AKAP6: variants seen among roughly 807,000 people sequenced by gnomAD.
AKAP6 encodes A-kinase anchor protein 6.
In AKAP6, 58 loss-of-function variants were observed where a neutral mutation model predicts 188.5. The ratio of observed to expected loss-of-function variants is 0.31; its 90% confidence interval spans 0.25 to 0.38. The LOEUF is 0.38. Among genes scored for constraint, AKAP6 ranks in the 10% least tolerant of loss-of-function variants. The probability of loss-of-function intolerance (pLI) is 1.00; values close to 1 mark genes in which losing one functional copy is unlikely to be tolerated. For missense variants in AKAP6, 2,710 were observed against 2,740.0 expected, an observed-to-expected ratio of 0.99 and a Z score of 0.24; for synonymous variants, 989 against 998.6, an observed-to-expected ratio of 0.99 and a Z score of 0.18.
At chr14:32,399,378 G>A (rs1024980213) in intron 1 of AKAP6, among the ~76,000 whole-genome samples, 4 of 152,158 alleles carry the variant, frequency 2.6e-5, no homozygotes, top group African/African-American at 9.7e-5. Flanking sequence ...AGGTTCTGCA[G>A]ATCAAGAGGT....
At chr14:32,343,854 T>C (rs1028187953) in intron 1 of AKAP6, among the ~76,000 whole-genome samples, 3 of 150,882 alleles carry the variant, frequency 2.0e-5, no homozygotes, top group African/African-American at 7.3e-5. Flanking sequence ...CACACCCCAT[T>C]AAAACCCCAG....
intron 4 of AKAP6, among the ~76,000 whole-genome samples, chr14:32,558,734 G>A (rs1883800261): frequency 6.6e-6 from 1 of 152,126 alleles, no homozygotes; most frequent in Admixed American, 6.6e-5. Flanking sequence ...TCGTCCTGAG[G>A]TCCAGGTTGC....
chr14:32,761,525 G>A (rs1302453738), intron 11 of AKAP6, among the ~76,000 whole-genome samples: 1 of 152,112 alleles, frequency 6.6e-6, no homozygotes, highest in Non-Finnish European at 1.5e-5. Context: ...ATGGATGAGA[G>A]AGCAAGAAAA....
chr14:32,358,517 G>T (rs1887554201), intron 1 of AKAP6, among the ~76,000 whole-genome samples: 1 of 151,878 alleles, frequency 6.6e-6, no homozygotes, highest in Admixed American at 6.5e-5. Context: ...TTTCTGACCT[G>T]TGTTGGGTGG....
chr14:32,835,997 G>GT lies in AKAP6; in HGVS notation c.*6193dup, dbSNP rs1214197615. On this transcript the variant is annotated 3_prime_UTR_variant, in exon 14 of 14. Transcript: ENST00000280979. The stretch of plus-strand genomic sequence containing the variant: ...TGGCAAAGGCATTTTGGCCAATGCC[G>GT]TAAGACCATTCTGGCCCTTGATTAA... 6.6e-6 allele frequency: 1 copy of GT among 152,220 alleles called. No homozygotes were observed. Among genetic ancestry groups the GT allele is most frequent in the Non-Finnish European group, 1.5e-5 (1 of 68,038 alleles). 9.4% of individuals were successfully genotyped at this position (152,220 alleles called of 1,614,324 possible). A position where few individuals can be genotyped will look rare whatever the true frequency, so the allele number is the denominator to read the frequency against.
intron 1 of AKAP6, among the ~76,000 whole-genome samples, chr14:32,354,287 C>A (rs1220582977): frequency 6.6e-6 from 1 of 150,792 alleles, no homozygotes; most frequent in African/African-American, 2.5e-5. Context: ...CAGAACAGAG[C>A]CCTGTCTCAA....
intron 7 of AKAP6, among the ~76,000 whole-genome samples, chr14:32,614,866 C>A (rs1221420127): frequency 1.3e-5 from 2 of 151,872 alleles, no homozygotes; most frequent in African/African-American, 2.4e-5. Flanking sequence ...GAAAGGTTTT[C>A]TTTCTCAAAA....
chr14:32,768,602 T>C (rs1566698020), intron 11 of AKAP6, among the ~76,000 whole-genome samples: 1 of 152,184 alleles, frequency 6.6e-6, no homozygotes. Flanking sequence ...TCATCAACAA[T>C]TGTGGTCCCT....
At chr14:32,762,188 A>G (rs1278799200) in intron 11 of AKAP6, among the ~76,000 whole-genome samples, 1 of 152,088 alleles carries the variant, frequency 6.6e-6, no homozygotes, top group Admixed American at 6.5e-5. Context: ...CATTTTAACA[A>G]TAATGGACAT....
At chr14:32,570,203 T>C (rs1884415255) in intron 4 of AKAP6, among the ~76,000 whole-genome samples, 1 of 140,882 alleles carries the variant, frequency 7.1e-6, no homozygotes, top group Non-Finnish European at 1.5e-5. Flanking sequence ...CAATCTCGGC[T>C]CACTGCAACC....
At chr14:32,368,543 G>A (rs1379084439) in intron 1 of AKAP6, among the ~76,000 whole-genome samples, 3 of 152,068 alleles carry the variant, frequency 2.0e-5, no homozygotes, top group Admixed American at 6.6e-5. Context: ...AAAGGAATTA[G>A]GCAGGAGATT....
At chr14:32,631,889 TATA>T (rs1202365649) in intron 7 of AKAP6, among the ~76,000 whole-genome samples, 1 of 152,094 alleles carries the variant, frequency 6.6e-6, no homozygotes, top group Non-Finnish European at 1.5e-5. Flanking sequence ...AGTAGATCAT[TATA>T]ATACCAAAGA....
At chr14:32,780,796 A>G (rs1428442951) in intron 12 of AKAP6, among the ~76,000 whole-genome samples, 3 of 152,180 alleles carry the variant, frequency 2.0e-5, no homozygotes, top group Non-Finnish European at 4.4e-5. Context: ...CATGTCATAC[A>G]AAGTATGTTA....
chr14:32,487,853 G>A (rs925922291), intron 2 of AKAP6, among the ~76,000 whole-genome samples: 1 of 152,194 alleles, frequency 6.6e-6, no homozygotes, highest in Admixed American at 6.5e-5. Flanking sequence ...GACCCTGTTT[G>A]CCTATCACCA....
intron 7 of AKAP6, among the ~76,000 whole-genome samples, chr14:32,618,900 A>G (rs192683403): frequency 2.0e-3 from 307 of 152,184 alleles, no homozygotes; most frequent in Non-Finnish European, 1.7e-3. Context: ...TGGCTGGGGT[A>G]AGGTGATTTT....
At position 32,735,669 on chromosome 14, in the gene AKAP6, A is replaced by G. The variant is rs1296726449; in HGVS notation, c.3159A>G (p.Gly1053=). ...ATCTGATGCATTAGAAAACCCTAGG[A>G]GAGAAGATCCAGGACACAATGGCAG... ...EKWELLGKTL[G]EKIQDTMAGH... is the part of the protein sequence containing the mutation. Residue 1053 remains glycine (G), a synonymous_variant, in exon 11 of 14, where the codon GGA becomes GGG. Coordinates refer to ENST00000280979, the MANE Select transcript of AKAP6 (RefSeq NM_004274.5). The G allele has an allele frequency of 1.3e-6, 2 of 1,589,620 alleles. No homozygotes were observed. The highest frequency in any genetic ancestry group is 1.7e-6 in the Non-Finnish European group (2 of 1,171,208).
At position 32,833,230 on chromosome 14, in the gene AKAP6, T is replaced by C. The variant is rs1175387377; in HGVS notation, c.*3425T>C. On this transcript the variant is annotated 3_prime_UTR_variant, in exon 14 of 14. Transcript: ENST00000280979. ...AAATGGCTACCTATGTGAGGCACTA[T>C]ATTTGGCATTAGGTATATAAAGGCA... 1 of 152,208 alleles carries C rather than the reference T, an allele frequency of 6.6e-6. No individual in the cohort carries two copies. Among genetic ancestry groups the C allele is most frequent in the Non-Finnish European group, 1.5e-5 (1 of 68,048 alleles). The allele number at this position is 152,208 out of a possible 1,614,324, so 9.4% of individuals were successfully genotyped here. A position where few individuals can be genotyped will look rare whatever the true frequency, so the allele number is the denominator to read the frequency against.
At chr14:32,485,440 G>A (rs982742827) in intron 2 of AKAP6, among the ~76,000 whole-genome samples, 2 of 152,110 alleles carry the variant, frequency 1.3e-5, no homozygotes, top group East Asian at 1.9e-4. Context: ...CAGTGTAAAA[G>A]CATTCCTATT....
chr14:32,350,281 A>G (rs1887221369), intron 1 of AKAP6, among the ~76,000 whole-genome samples: 1 of 152,170 alleles, frequency 6.6e-6, no homozygotes. Flanking sequence ...GTATACCCCT[A>G]ATGTGATGTG....
Sources: allele counts gnomAD v4.1 joint callset (sites outside exome capture counted in the v4.1 genomes callset), GRCh38; gene constraint gnomAD v4.1.1; transcripts MANE v1.5; gene names NCBI Gene and HGNC (gene_info 2026-07-23, HGNC 2026-07-21).